Variants in WDPCP observed in about 807,000 individuals in gnomAD.
WDPCP encodes WD repeat-containing and planar cell polarity effector protein fritz homolog.
A neutral mutation model predicts 93.1 loss-of-function variants in WDPCP; 71 were observed. That is an observed-to-expected ratio of 0.76 (90% CI 0.63 to 0.93). WDPCP has a LOEUF of 0.93. WDPCP is among the 40% of genes least tolerant of loss of function. The pLI, the probability that WDPCP is intolerant of heterozygous loss-of-function variation, is 0.00. For synonymous variants in WDPCP, 315 were observed against 315.0 expected (o/e 1.00, Z 0.00); for missense variants, 844 against 887.4 (o/e 0.95, Z 0.62).
intron 17 of WDPCP, among the ~76,000 whole-genome samples, chr2:63,127,697 GCA>G (rs920755443): frequency 1.0e-5 from 1 of 99,122 alleles, no homozygotes; most frequent in African/African-American, 3.9e-5. Context: ...ATATATATAC[GCA>G]CACACACACA....
intron 3 of WDPCP, chr2:63,622,083 TTGGAAG>T: frequency 1.1e-5 from 11 of 1,010,306 alleles, no homozygotes; most frequent in Admixed American, 3.3e-5. Context: ...TTTTTTTTTT[TTGGAAG>T]TTGATTTTTA....
intron 2 of WDPCP, chr2:63,684,420 A>C: frequency 1.2e-6 from 1 of 839,142 alleles, no homozygotes; most frequent in Non-Finnish European, 2.0e-6. Flanking sequence ...TCGCCCCTAC[A>C]GCCACCTCTG....
chr2:63,719,300 C>T (rs1007110731), intron 2 of WDPCP, among the ~76,000 whole-genome samples: 1 of 152,062 alleles, frequency 6.6e-6, no homozygotes, highest in Non-Finnish European at 1.5e-5. Flanking sequence ...CAGCCAGAAC[C>T]CTGGGTGGTG....
At chr2:63,368,940 T>C (rs535590156) in intron 12 of WDPCP, 1 of 152,740 alleles carries the variant, frequency 6.5e-6, no homozygotes, top group Non-Finnish European at 1.5e-5. Flanking sequence ...TTTCTCTGCA[T>C]GTTTCTTTTC....
intron 12 of WDPCP, among the ~76,000 whole-genome samples, chr2:63,315,460 A>G (rs1457980516): frequency 6.6e-6 from 1 of 152,172 alleles, no homozygotes; most frequent in Non-Finnish European, 1.5e-5. Flanking sequence ...TTTTAACATA[A>G]AATTAACATA....
chr2:63,720,177 G>C (rs753571838), intron 2 of WDPCP, among the ~76,000 whole-genome samples: 3 of 152,200 alleles, frequency 2.0e-5, no homozygotes, highest in African/African-American at 7.2e-5. Context: ...AGCACTTTGG[G>C]AGGCTGAGGC....
chr2:63,215,137 T>C (rs1211663192), intron 14 of WDPCP, among the ~76,000 whole-genome samples: 2 of 152,080 alleles, frequency 1.3e-5, no homozygotes, highest in Non-Finnish European at 2.9e-5. Flanking sequence ...AAAGTTCACA[T>C]GGAACCAAAA....
chr2:63,526,935 A>AT (rs1703380798), intron 1 of WDPCP, among the ~76,000 whole-genome samples: 1 of 152,236 alleles, frequency 6.6e-6, no homozygotes. Context: ...CAAAGTATTC[A>AT]ATAAATATTC....
intron 2 of WDPCP, among the ~76,000 whole-genome samples, chr2:63,716,789 C>T (rs1669345331): frequency 2.0e-5 from 3 of 152,136 alleles, no homozygotes; most frequent in Admixed American, 2.0e-4. Context: ...CTGATCTGAC[C>T]AGAACTCTTG....
intron 10 of WDPCP, among the ~76,000 whole-genome samples, chr2:63,398,375 G>C (rs1575328276): frequency 6.6e-6 from 1 of 152,180 alleles, no homozygotes; most frequent in Admixed American, 6.5e-5. Flanking sequence ...CACATAAAGA[G>C]ATTCTGAATA....
intron 2 of WDPCP, among the ~76,000 whole-genome samples, chr2:63,673,344 A>G (rs1710368264): frequency 6.6e-6 from 1 of 152,162 alleles, no homozygotes; most frequent in African/African-American, 2.4e-5. Flanking sequence ...CTGAAGTAGG[A>G]ATTGTTTTCA....
chr2:63,695,392 A>G (rs75558118), intron 2 of WDPCP, among the ~76,000 whole-genome samples: 26,184 of 152,214 alleles, frequency 0.17, 2,485 homozygotes, highest in Middle Eastern at 0.27. Flanking sequence ...AAATCCTGCC[A>G]TGCAGGACAA....
At chr2:63,138,001 C>A (rs1248601225) in intron 17 of WDPCP, among the ~76,000 whole-genome samples, 2 of 146,790 alleles carry the variant, frequency 1.4e-5, no homozygotes, top group Admixed American at 6.8e-5. Flanking sequence ...ATGCCTCCAG[C>A]TTTTTGTTTT....
At position 63,570,196 on chromosome 2, in the gene WDPCP, G is replaced by A. The variant is rs542405966; in HGVS notation, c.75+18001C>T. On this transcript the variant is annotated intron_variant, in intron 1 of 17. Coordinates refer to ENST00000272321, the MANE Select transcript of WDPCP (RefSeq NM_015910.7). ...TAAATGTAAAAGTACAAAAACACCC[G>A]TGTAAACAATATATTTGTTTTATAC... Among the ~76,000 whole-genome samples the A allele has an allele frequency of 9.1e-4, 139 of 152,232 alleles. No homozygotes were observed. In the Middle Eastern group the frequency reaches 0.01, roughly 11 times the overall value.
At chr2:63,414,735 G>A (rs995099258) in intron 9 of WDPCP, among the ~76,000 whole-genome samples, 9 of 152,164 alleles carry the variant, frequency 5.9e-5, no homozygotes, top group Non-Finnish European at 8.8e-5. Flanking sequence ...GGAAGGAGTG[G>A]AAGGGGAGAA....
At chr2:63,667,565 T>G (rs1442305016) in intron 2 of WDPCP, among the ~76,000 whole-genome samples, 4 of 152,206 alleles carry the variant, frequency 2.6e-5, no homozygotes. Context: ...CAAAAGCAGT[T>G]CAGAACATTT....
chr2:63,147,391 G>A (rs1269041568), intron 17 of WDPCP, among the ~76,000 whole-genome samples: 1 of 152,132 alleles, frequency 6.6e-6, no homozygotes, highest in Non-Finnish European at 1.5e-5. Flanking sequence ...AAATATTTAG[G>A]AGCATTAATC....
chr2:63,633,334 A>G (rs1295584596), intron 3 of WDPCP, among the ~76,000 whole-genome samples: 1 of 152,220 alleles, frequency 6.6e-6, no homozygotes, highest in Non-Finnish European at 1.5e-5. Flanking sequence ...GAATGTGCTA[A>G]TTATTGTAAT....
At chr2:63,207,342 C>T (rs1414229899) in intron 14 of WDPCP, among the ~76,000 whole-genome samples, 1 of 152,152 alleles carries the variant, frequency 6.6e-6, no homozygotes, top group Non-Finnish European at 1.5e-5. Flanking sequence ...CTCTCTTTCT[C>T]CCTCTCCACC....
Sources: gnomAD v4.1 joint callset for allele counts (sites outside exome capture counted in the v4.1 genomes callset) on GRCh38, gnomAD v4.1.1 for gene constraint, MANE v1.5 for transcripts, NCBI Gene and HGNC (gene_info 2026-07-23, HGNC 2026-07-21) for gene names.